GRM8: variants seen among roughly 807,000 people sequenced by gnomAD.
The protein encoded by GRM8 is metabotropic glutamate receptor 8.
GRM8 carries 47 observed loss-of-function variants against 87.2 expected under a neutral mutation model. The ratio of observed to expected loss-of-function variants is 0.54; its 90% CI spans 0.43 to 0.69. The LOEUF (loss-of-function observed/expected upper bound fraction) is 0.69, where lower values mean the gene tolerates loss of function less well. Among genes scored for constraint, GRM8 ranks in the 30% least tolerant of loss-of-function variants. The pLI, the probability that GRM8 is intolerant of heterozygous loss-of-function variation, is 0.00. For missense variants in GRM8, 1,019 were observed against 1,139.2 expected (o/e 0.89, Z 1.52); for synonymous variants, 396 against 404.5 (o/e 0.98, Z 0.25).
chr7:126,472,164 T>C (rs576154423), intron 9 of GRM8, among the ~76,000 whole-genome samples: 5 of 152,318 alleles, frequency 3.3e-5, no homozygotes, highest in Non-Finnish European at 7.3e-5. Context: ...CTTTTCCTAA[T>C]TGAATACACT....
chr7:127,139,861 A>G lies in GRM8; in HGVS notation c.511-33149T>C, dbSNP rs142011535. Among the ~76,000 whole-genome samples the G allele has an allele frequency of 7.1e-3, 1,084 of 152,242 alleles. 13 individuals are homozygous for G. The highest frequency in any genetic ancestry group is 0.024 in the African/African-American group (1,004 of 41,518). On this transcript the variant is annotated intron_variant, in intron 2 of 10. Coordinates refer to ENST00000339582, the MANE Select transcript of GRM8 (RefSeq NM_000845.3). ...CCATGTGATCCCTAGTAAACATAGT[A>G]AACATTACACAGAATCCCATGGAAG...
intron 6 of GRM8, among the ~76,000 whole-genome samples, chr7:126,790,239 C>T (rs1223730387): frequency 6.6e-6 from 1 of 152,126 alleles, no homozygotes; most frequent in Non-Finnish European, 1.5e-5. Flanking sequence ...AAGTTCTGGG[C>T]TCAAGTGGTC....
intron 9 of GRM8, among the ~76,000 whole-genome samples, chr7:126,465,665 C>G (rs113342985): frequency 0.011 from 1,649 of 151,698 alleles, 32 homozygotes; most frequent in African/African-American, 0.038. Context: ...ATCTTATATT[C>G]AGTGAACTTC....
chr7:127,026,709 G>C (rs1816816479), intron 3 of GRM8, among the ~76,000 whole-genome samples: 1 of 152,138 alleles, frequency 6.6e-6, no homozygotes, highest in South Asian at 2.1e-4. Context: ...TTGTAAATTT[G>C]TTTAAGTTCT....
intron 9 of GRM8, among the ~76,000 whole-genome samples, chr7:126,458,004 C>A (rs543834841): frequency 2.8e-5 from 4 of 142,594 alleles, no homozygotes; most frequent in South Asian, 2.3e-4. Context: ...CAGCAAATTA[C>A]TTCTAAATGT....
chr7:126,955,035 T>G (rs1397110397), intron 3 of GRM8, among the ~76,000 whole-genome samples: 1 of 152,178 alleles, frequency 6.6e-6, no homozygotes, highest in Non-Finnish European at 1.5e-5. Context: ...TTTCTTGCAG[T>G]GTTTTACACA....
At chr7:126,516,596 G>A (rs1812202246) in intron 9 of GRM8, among the ~76,000 whole-genome samples, 1 of 152,068 alleles carries the variant, frequency 6.6e-6, no homozygotes, top group Non-Finnish European at 1.5e-5. Flanking sequence ...CAGAAAGTAT[G>A]CTTCCAGTAG....
At chr7:127,239,988 A>G (rs369332449) in intron 2 of GRM8, among the ~76,000 whole-genome samples, 1 of 152,158 alleles carries the variant, frequency 6.6e-6, no homozygotes, top group Admixed American at 6.5e-5. Flanking sequence ...TAGTCATGAC[A>G]TCTACCATAA....
chr7:127,057,134 C>T (rs1468429331), intron 3 of GRM8, among the ~76,000 whole-genome samples: 2 of 152,056 alleles, frequency 1.3e-5, no homozygotes, highest in African/African-American at 2.4e-5. Context: ...GCTTTATATC[C>T]ACGTTTACAG....
rs980589570 is a variant in GRM8 at position 127,243,281 on chromosome 7, G to C, written c.-77C>G. On this transcript the variant is annotated 5_prime_UTR_variant, in exon 2 of 11. Coordinates refer to ENST00000339582, the MANE Select transcript of GRM8 (RefSeq NM_000845.3). ...AGAAGAAAGGGCACCACCTGAGGCTGCACCTTCTGGAGGCTACCATCAGGG... is the reference window on the plus strand; with the variant it reads ...AGAAGAAAGGGCACCACCTGAGGCTCCACCTTCTGGAGGCTACCATCAGGG... The C allele has an allele frequency of 1.5e-6, 2 of 1,331,942 alleles. No individual in the cohort carries two copies. Among genetic ancestry groups the C allele is most frequent in the Non-Finnish European group, 2.1e-6 (2 of 971,268 alleles). 82.5% of individuals were successfully genotyped at this position (1,331,942 alleles called of 1,614,324 possible).
intron 2 of GRM8, among the ~76,000 whole-genome samples, chr7:127,156,651 G>A (rs1319003302): frequency 2.0e-5 from 3 of 152,148 alleles, no homozygotes; most frequent in Non-Finnish European, 4.4e-5. Context: ...ACCTGAAGCA[G>A]ACAAAGTGGG....
intron 3 of GRM8, among the ~76,000 whole-genome samples, chr7:126,942,354 T>C (rs905242913): frequency 3.3e-5 from 5 of 152,316 alleles, no homozygotes; most frequent in Admixed American, 6.5e-5. Context: ...TTTATATCAC[T>C]TGCCCACTTC....
intron 7 of GRM8, among the ~76,000 whole-genome samples, chr7:126,654,101 G>C (rs73449004): frequency 0.037 from 5,575 of 152,250 alleles, 266 homozygotes; most frequent in African/African-American, 0.11. Context: ...CCCATTTATA[G>C]AAATAACTAG....
chr7:126,453,527 T>C (rs11978873), intron 9 of GRM8, among the ~76,000 whole-genome samples: 93,913 of 151,362 alleles, frequency 0.62, 29,310 homozygotes, highest in Middle Eastern at 0.75. Context: ...AGGTGGAAAC[T>C]AGCTAAAGAG....
At chr7:126,967,563 T>G (rs946379447) in intron 3 of GRM8, among the ~76,000 whole-genome samples, 5 of 147,772 alleles carry the variant, frequency 3.4e-5, no homozygotes, top group African/African-American at 1.3e-4. Context: ...AAAAAAAAAG[T>G]ACAGCACTCT....
intron 3 of GRM8, among the ~76,000 whole-genome samples, chr7:127,050,571 A>T (rs1027645188): frequency 4.6e-5 from 7 of 152,084 alleles, no homozygotes; most frequent in Admixed American, 4.6e-4. Flanking sequence ...AGAAGGGGAG[A>T]CGGAAGGGGA....
At chr7:127,112,556 C>T (rs1826438943) in intron 2 of GRM8, among the ~76,000 whole-genome samples, 2 of 151,712 alleles carry the variant, frequency 1.3e-5, no homozygotes, top group South Asian at 4.1e-4. Context: ...TTATTTTCTT[C>T]CATGTATCCT....
intron 3 of GRM8, among the ~76,000 whole-genome samples, chr7:126,936,013 C>T (rs1335018942): frequency 2.0e-5 from 3 of 152,146 alleles, no homozygotes; most frequent in Non-Finnish European, 4.4e-5. Flanking sequence ...ACAAACATTA[C>T]CACTACCAAG....
intron 3 of GRM8, among the ~76,000 whole-genome samples, chr7:126,966,585 T>G (rs189548921): frequency 4.6e-4 from 70 of 152,202 alleles, no homozygotes; most frequent in African/African-American, 1.6e-3. Flanking sequence ...ATATATAAAG[T>G]GATATATGTA....
Sources: allele counts gnomAD v4.1 joint callset (sites outside exome capture counted in the v4.1 genomes callset), GRCh38; gene constraint gnomAD v4.1.1; transcripts MANE v1.5; gene names NCBI Gene and HGNC (gene_info 2026-07-23, HGNC 2026-07-21).